Variants in SLC37A3 observed in about 807,000 individuals in gnomAD.
The protein encoded by SLC37A3 is sugar phosphate exchanger 3.
SLC37A3 carries 51 observed loss-of-function variants against 67.1 expected under a neutral mutation model. The ratio of observed to expected loss-of-function variants is 0.76; its 90% CI spans 0.61 to 0.96. The LOEUF (loss-of-function observed/expected upper bound fraction) is 0.96. SLC37A3 is among the 40% of genes least tolerant of loss of function. The pLI is 0.00. For missense variants in SLC37A3, 508 were observed against 603.0 expected, an observed-to-expected ratio of 0.84 and a Z score of 1.65; for synonymous variants, 214 against 231.4, an observed-to-expected ratio of 0.92 and a Z score of 0.68.
chr7:140,349,310 T>C (rs1403591782), intron 9 of SLC37A3, among the ~76,000 whole-genome samples: 1 of 152,190 alleles, frequency 6.6e-6, no homozygotes, highest in Non-Finnish European at 1.5e-5. Context: ...AGCAGCATGA[T>C]AATTCCTTTC....
At chr7:140,369,542 A>G (rs1435773949) in intron 4 of SLC37A3, 48 bp downstream of exon 4, 5 of 1,521,122 alleles carry the variant, frequency 3.3e-6, no homozygotes, top group Admixed American at 1.7e-5. Flanking sequence ...AGGGTCATTT[A>G]TATTTACATT....
At position 140,351,640 on chromosome 7, in the gene SLC37A3, A is replaced by T. The variant is rs1418287884; in HGVS notation, c.704-189T>A. 1.7e-5 allele frequency: 10 copies of T among 598,954 alleles called. No homozygotes were observed. In the Admixed American group the frequency reaches 3.3e-4, roughly 20 times the overall value. The allele number at this position is 598,954 out of a possible 1,614,324, so 37.1% of individuals were successfully genotyped here. A position where few individuals can be genotyped will look rare whatever the true frequency, so the allele number is the denominator to read the frequency against. Reference sequence around the variant, plus strand: ...GTCTATCTAAAAATACTCAAAAGATAGAAGAATTGTACATCTGTTTGCTTC... The same window carrying T: ...GTCTATCTAAAAATACTCAAAAGATTGAAGAATTGTACATCTGTTTGCTTC... On this transcript the variant is annotated intron_variant, in intron 8 of 14. Coordinates refer to ENST00000326232, the MANE Select transcript of SLC37A3 (RefSeq NM_207113.3).
At chr7:140,374,373 C>T (rs140328931) in intron 3 of SLC37A3, among the ~76,000 whole-genome samples, 1 of 152,106 alleles carries the variant, frequency 6.6e-6, no homozygotes, top group Admixed American at 6.6e-5. Context: ...TGGCATGTGC[C>T]TGTAGTGCCA....
At chr7:140,377,942 C>G (rs1002214130) in intron 3 of SLC37A3, among the ~76,000 whole-genome samples, 9 of 152,122 alleles carry the variant, frequency 5.9e-5, no homozygotes, top group Non-Finnish European at 1.3e-4. Context: ...CCTGGCCTCA[C>G]GCCAGGCCGG....
At chr7:140,382,364 A>G in intron 2 of SLC37A3, 74 bp downstream of exon 2, 1 of 1,240,208 alleles carries the variant, frequency 8.1e-7, no homozygotes, top group South Asian at 1.2e-5. Context: ...AGTGCATTTG[A>G]CACTTGCCAT....
chr7:140,376,378 T>C (rs768284150), intron 3 of SLC37A3, among the ~76,000 whole-genome samples: 3 of 152,222 alleles, frequency 2.0e-5, no homozygotes, highest in Non-Finnish European at 4.4e-5. Flanking sequence ...CCATGTTTAA[T>C]GAAAGTCACC....
At chr7:140,351,510 C>T in intron 8 of SLC37A3, 59 bp from the exon 9 acceptor site, 1 of 1,497,376 alleles carries the variant, frequency 6.7e-7, no homozygotes, top group Non-Finnish European at 9.1e-7. Context: ...AAGGGCTCTG[C>T]ATACATCCCT....
intron 3 of SLC37A3, among the ~76,000 whole-genome samples, chr7:140,376,086 TACC>T (rs1798020677): frequency 6.9e-6 from 1 of 144,500 alleles, no homozygotes; most frequent in South Asian, 2.2e-4. Flanking sequence ...TCCAAGAAGT[TACC>T]AAAAACTCCC....
intron 7 of SLC37A3, among the ~76,000 whole-genome samples, chr7:140,354,024 T>C (rs1796922938): frequency 1.3e-5 from 2 of 152,154 alleles, no homozygotes; most frequent in African/African-American, 4.8e-5. Context: ...TAGCACACTT[T>C]TGAGATTGCT....
intron 7 of SLC37A3, among the ~76,000 whole-genome samples, chr7:140,353,541 AT>A (rs1796900589): frequency 6.6e-6 from 1 of 151,842 alleles, no homozygotes. Flanking sequence ...CATCTGCTCA[AT>A]TCTCCCGATT....
intron 13 of SLC37A3, among the ~76,000 whole-genome samples, chr7:140,340,095 T>C (rs371420434): frequency 1.3e-5 from 2 of 152,160 alleles, no homozygotes; most frequent in East Asian, 3.8e-4. Context: ...GCTCACTGTG[T>C]TTTTGATTTG....
chr7:140,397,162 G>A (rs1247396869), intron 1 of SLC37A3, among the ~76,000 whole-genome samples: 1 of 140,448 alleles, frequency 7.1e-6, no homozygotes, highest in African/African-American at 2.6e-5. Flanking sequence ...ATGGTGCCAC[G>A]GCACTCCAGC....
chr7:140,339,452 G>A (rs186122094), intron 13 of SLC37A3, among the ~76,000 whole-genome samples: 1 of 151,532 alleles, frequency 6.6e-6, no homozygotes, highest in Non-Finnish European at 1.5e-5. Flanking sequence ...GTAGAGACAG[G>A]GTTTCACCAT....
At chr7:140,387,019 A>C (rs746126026) in intron 1 of SLC37A3, 2 of 152,242 alleles carry the variant, frequency 1.3e-5, no homozygotes, top group Non-Finnish European at 2.9e-5. Context: ...TTTATCATGT[A>C]CAACACATTT....
intron 3 of SLC37A3, among the ~76,000 whole-genome samples, chr7:140,370,732 T>G (rs891815856): frequency 1.3e-5 from 2 of 152,160 alleles, no homozygotes; most frequent in Non-Finnish European, 1.5e-5. Context: ...AAAATTCACA[T>G]CTTAATTTTT....
At chr7:140,344,714 C>G (rs1796486487) in intron 12 of SLC37A3, among the ~76,000 whole-genome samples, 1 of 152,094 alleles carries the variant, frequency 6.6e-6, no homozygotes, top group Non-Finnish European at 1.5e-5. Flanking sequence ...TGAGACTGTG[C>G]CACTACACTC....
chr7:140,337,223 G>A, intron 14 of SLC37A3, 61 bp downstream of exon 14: 1 of 1,360,814 alleles, frequency 7.3e-7, no homozygotes, highest in Non-Finnish European at 9.8e-7. Flanking sequence ...ACTTAAGTAA[G>A]TGCTTTGAAC....
At chr7:140,395,332 G>A (rs769206835) in intron 1 of SLC37A3, among the ~76,000 whole-genome samples, 5 of 134,080 alleles carry the variant, frequency 3.7e-5, no homozygotes, top group Non-Finnish European at 6.2e-5. Context: ...CTGAGATGGT[G>A]CCACTGCACT....
chr7:140,350,679 G>A (rs368465930), intron 9 of SLC37A3, among the ~76,000 whole-genome samples: 97 of 152,200 alleles, frequency 6.4e-4, no homozygotes, highest in East Asian at 5.8e-3. Context: ...CAGGAGAATC[G>A]CTTGAACCCG....
Sources: allele counts gnomAD v4.1 joint callset (sites outside exome capture counted in the v4.1 genomes callset), GRCh38; gene constraint gnomAD v4.1.1; transcripts MANE v1.5; gene names NCBI Gene and HGNC (gene_info 2026-07-23, HGNC 2026-07-21).